The following CSMD1 variants were observed in gnomAD, a reference collection of about 807,000 sequenced individuals.
CSMD1 encodes CUB and Sushi multiple domains 1, also known as CUB and sushi domain-containing protein 1.
Under a neutral mutation model 417.5 loss-of-function variants are expected in CSMD1, and 213 were observed. That is an observed-to-expected ratio of 0.51 (90% CI 0.46 to 0.57). The LOEUF is 0.57. Ranked by LOEUF, CSMD1 falls within the 20% of genes least tolerant of loss-of-function variation. The pLI is 0.00. For synonymous variants in CSMD1, 2,862 were observed against 1,736.8 expected (o/e 1.65, Z -16.11); for missense variants, 6,923 against 4,529.7 (o/e 1.53, Z -15.17).
chr8:4,918,090 T>TAA (rs146798614), intron 1 of CSMD1, among the ~76,000 whole-genome samples: 129 of 151,418 alleles, frequency 8.5e-4, no homozygotes, highest in Non-Finnish European at 1.2e-3. Context: ...AGCAATACTT[T>TAA]TAAAAAAAGA....
chr8:3,772,488 CACATATATACATATAT>C lies in CSMD1; in HGVS notation c.819-18462_819-18447del, dbSNP rs1798650940. On this transcript the variant is annotated intron_variant, in intron 5 of 69. Coordinates refer to ENST00000635120, the MANE Select transcript of CSMD1 (RefSeq NM_033225.6). ...ATATACACATATATATACATATATA[CACATATATACATATAT>C]ACACATATATACATATATACACATA... Among the ~76,000 whole-genome samples the C allele has an allele frequency of 8.1e-5, 2 of 24,784 alleles. 1 individual carries two copies. Among genetic ancestry groups the C allele is most frequent in the African/African-American group, 2.7e-4 (2 of 7,302 alleles). 16.3% of individuals were successfully genotyped at this position (24,784 alleles called of 152,430 possible).
At chr8:4,846,940 G>T (rs1014222132) in intron 1 of CSMD1, among the ~76,000 whole-genome samples, 22 of 151,950 alleles carry the variant, frequency 1.4e-4, no homozygotes, top group East Asian at 5.8e-4. Context: ...GCTATTCATT[G>T]GGAGAAAAAG....
At position 3,308,347 on chromosome 8, in the gene CSMD1, C is replaced by A; in HGVS notation, c.3788G>T (p.Arg1263Met). Residue 1263 changes from arginine to methionine, a missense_variant, in exon 24 of 70, where the codon AGG becomes ATG. Arg to Met is a moderately conservative substitution (Grantham distance 91, BLOSUM62 -1). Transcript: ENST00000635120. ...AGGTAGTGGTTTGTCCCACACTCTC[C>A]TGTCTCCACTCAAACAGGTCAGGGT... ...SNTLTCLSGDRRVWDKPLPSC... is the reference protein window; with the variant it reads ...SNTLTCLSGDMRVWDKPLPSC... The A allele has an allele frequency of 6.2e-7, 1 of 1,613,346 alleles. No homozygotes were observed. The highest frequency in any genetic ancestry group is 8.5e-7 in the Non-Finnish European group (1 of 1,179,488).
At chr8:4,454,369 A>AC (rs1487773613) in intron 2 of CSMD1, among the ~76,000 whole-genome samples, 1 of 151,488 alleles carries the variant, frequency 6.6e-6, no homozygotes, top group Non-Finnish European at 1.5e-5. Context: ...CCCAACACAT[A>AC]CCTCTTGATT....
intron 49 of CSMD1, among the ~76,000 whole-genome samples, chr8:3,060,167 T>C (rs902320582): frequency 6.4e-4 from 97 of 151,646 alleles, no homozygotes; most frequent in African/African-American, 2.3e-3. Flanking sequence ...TTTTTTTTTT[T>C]CTGAGTCTCA....
intron 51 of CSMD1, 107 bp downstream of exon 51, chr8:3,029,212 G>T: frequency 2.5e-6 from 2 of 810,430 alleles, no homozygotes; most frequent in Non-Finnish European, 3.7e-6. Flanking sequence ...TTGATCTATA[G>T]GACTATGGTA....
chr8:3,621,523 G>C (rs919169931), intron 7 of CSMD1, among the ~76,000 whole-genome samples: 2 of 152,128 alleles, frequency 1.3e-5, no homozygotes, highest in Non-Finnish European at 2.9e-5. Context: ...ATGAATAGTG[G>C]TGATGGATGT....
intron 2 of CSMD1, among the ~76,000 whole-genome samples, chr8:4,547,720 C>G (rs1340250846): frequency 6.6e-6 from 1 of 152,146 alleles, no homozygotes; most frequent in Non-Finnish European, 1.5e-5. Context: ...GGAGTAGAAG[C>G]TATAAGCAGA....
intron 50 of CSMD1, among the ~76,000 whole-genome samples, chr8:3,051,414 A>T (rs994365076): frequency 1.3e-5 from 2 of 152,150 alleles, no homozygotes; most frequent in East Asian, 3.9e-4. Context: ...AGACATAAAG[A>T]AGGCAGCAAC....
chr8:4,649,299 T>C (rs1803733770), intron 1 of CSMD1, among the ~76,000 whole-genome samples: 1 of 152,330 alleles, frequency 6.6e-6, no homozygotes, highest in East Asian at 1.9e-4. Flanking sequence ...ATAAAAGATA[T>C]TATTACTACC....
intron 2 of CSMD1, among the ~76,000 whole-genome samples, chr8:4,426,100 A>C (rs1444527919): frequency 6.6e-6 from 1 of 151,866 alleles, no homozygotes; most frequent in Non-Finnish European, 1.5e-5. Flanking sequence ...AAAAAAAAAA[A>C]ATCTTATCGC....
intron 3 of CSMD1, among the ~76,000 whole-genome samples, chr8:4,136,914 T>G (rs1161503128): frequency 1.3e-5 from 2 of 152,222 alleles, no homozygotes; most frequent in Non-Finnish European, 2.9e-5. Context: ...TCACAGCCAC[T>G]CTTTCTCCCA....
chr8:3,525,941 C>G (rs1207850758), intron 10 of CSMD1, among the ~76,000 whole-genome samples: 8 of 152,158 alleles, frequency 5.3e-5, no homozygotes, highest in Admixed American at 5.2e-4. Flanking sequence ...ATGCATTGTT[C>G]TTAAGCCTTA....
chr8:3,093,293 G>T (rs891346311), intron 47 of CSMD1, among the ~76,000 whole-genome samples: 1 of 152,168 alleles, frequency 6.6e-6, no homozygotes, highest in African/African-American at 2.4e-5. Context: ...CTGCAAGCCT[G>T]GGAGGGAGGC....
intron 7 of CSMD1, among the ~76,000 whole-genome samples, chr8:3,669,098 T>C (rs958154956): frequency 8.5e-5 from 13 of 152,282 alleles, no homozygotes; most frequent in Middle Eastern, 3.4e-3. Flanking sequence ...GTGGAAGCCA[T>C]TAACGTACAG....
intron 10 of CSMD1, among the ~76,000 whole-genome samples, chr8:3,495,557 A>G (rs1796330507): frequency 6.6e-6 from 1 of 152,204 alleles, no homozygotes; most frequent in African/African-American, 2.4e-5. Flanking sequence ...TCAAACACCA[A>G]TCTTTACTCC....
At chr8:4,533,426 T>C (rs999671637) in intron 2 of CSMD1, among the ~76,000 whole-genome samples, 4 of 152,216 alleles carry the variant, frequency 2.6e-5, no homozygotes, top group African/African-American at 7.2e-5. Flanking sequence ...AAGGGGACTT[T>C]TGCTGTTAAT....
At chr8:4,609,992 C>A (rs1801078567) in intron 2 of CSMD1, among the ~76,000 whole-genome samples, 1 of 151,824 alleles carries the variant, frequency 6.6e-6, no homozygotes, top group Admixed American at 6.6e-5. Context: ...CTTACTAAAC[C>A]TATGGGAATG....
At chr8:3,648,923 G>C (rs1038569433) in intron 7 of CSMD1, among the ~76,000 whole-genome samples, 1 of 152,150 alleles carries the variant, frequency 6.6e-6, no homozygotes, top group East Asian at 1.9e-4. Flanking sequence ...TGTAACAACA[G>C]CTATTTTTTT....
Sources: allele counts gnomAD v4.1 joint callset (sites outside exome capture counted in the v4.1 genomes callset), GRCh38; gene constraint gnomAD v4.1.1; transcripts MANE v1.5; gene names NCBI Gene and HGNC (gene_info 2026-07-23, HGNC 2026-07-21).